Variants in SPRY3 observed in about 807,000 individuals in gnomAD.
SPRY3 encodes sprouty RTK signaling antagonist 3.
Under a neutral mutation model 20.2 loss-of-function variants are expected in SPRY3, and 15 were observed. That is an observed-to-expected ratio of 0.74 (90% confidence interval 0.50 to 1.14). The LOEUF is 1.14. SPRY3 is among the 50% of genes most tolerant of loss of function. The pLI is 0.00. For synonymous variants in SPRY3, 143 were observed against 136.5 expected, an observed-to-expected ratio of 1.05 and a Z score of -0.33; for missense variants, 364 against 363.9, an observed-to-expected ratio of 1.00 and a Z score of 0.00.
chrX:155,742,450 G>A (rs1433526266), intron 2 of SPRY3, among the ~76,000 whole-genome samples: 1 of 152,058 alleles, frequency 6.6e-6, no homozygotes, highest in Non-Finnish European at 1.5e-5. Flanking sequence ...GGAAAATTAA[G>A]AAAGATATAC....
intron 2 of SPRY3, among the ~76,000 whole-genome samples, chrX:155,711,385 G>A (rs2090985022): frequency 6.6e-6 from 1 of 151,670 alleles, no homozygotes; most frequent in Admixed American, 6.6e-5. Context: ...ATCTTGGTAG[G>A]TTGTATATAT....
At chrX:155,766,623 A>C (rs2091331963) in intron 2 of SPRY3, among the ~76,000 whole-genome samples, 1 of 152,188 alleles carries the variant, frequency 6.6e-6, no homozygotes, top group Non-Finnish European at 1.5e-5. Flanking sequence ...GCTGTCATCC[A>C]AGTTCTTCTG....
At chrX:155,704,470 T>A (rs2124534768) in intron 2 of SPRY3, among the ~76,000 whole-genome samples, 1 of 151,736 alleles carries the variant, frequency 6.6e-6, no homozygotes, top group East Asian at 1.9e-4. Context: ...GACCAATAAA[T>A]TGATTACATT....
chrX:155,672,127 C>T (rs369236425), intron 2 of SPRY3, among the ~76,000 whole-genome samples: 7 of 111,424 alleles, frequency 6.3e-5, no homozygotes, highest in Admixed American at 2.9e-4. Flanking sequence ...CTTGGCAATG[C>T]GGGTTCTTTT....
chrX:155,692,194 C>A (rs888056455), intron 2 of SPRY3, among the ~76,000 whole-genome samples: 1 of 110,803 alleles, frequency 9.0e-6, no homozygotes, highest in African/African-American at 3.3e-5. Context: ...TTATATTTTA[C>A]ATTTAGCTCC....
rs182913753 is a variant in SPRY3 at position 155,729,480 on chromosome X, A to T, written c.-281-38482A>T. ...GAATGAACAGTGGGTCAATGAAGAA[A>T]TTAAGAAGAAAATTTAAAAATTTCT... On this transcript the variant is annotated intron_variant, in intron 2 of 3. Transcript: ENST00000675360. 3.0e-3 allele frequency among the ~76,000 whole-genome samples: 452 copies of T among 152,258 alleles called. 2 individuals are homozygous for T. Among genetic ancestry groups the T allele is most frequent in the African/African-American group, 9.9e-3 (413 of 41,578 alleles).
intron 2 of SPRY3, among the ~76,000 whole-genome samples, chrX:155,745,641 G>A (rs1218767937): frequency 1.3e-5 from 2 of 151,958 alleles, no homozygotes; most frequent in Non-Finnish European, 2.9e-5. Context: ...ATGTGACCTG[G>A]AGCAATTTCT....
intron 2 of SPRY3, among the ~76,000 whole-genome samples, chrX:155,733,633 A>G (rs182514742): frequency 2.3e-4 from 35 of 152,144 alleles, no homozygotes; most frequent in Middle Eastern, 3.4e-3. Flanking sequence ...ATTAGCCCTT[A>G]ACAAGAGAGT....
At chrX:155,638,924 T>C (rs1557351249) in intron 1 of SPRY3, among the ~76,000 whole-genome samples, 1 of 111,063 alleles carries the variant, frequency 9.0e-6, no homozygotes, top group African/African-American at 3.3e-5. Context: ...TTTCTCTGGG[T>C]CTCTCCTTGA....
chrX:155,714,414 C>T (rs2091007186), intron 2 of SPRY3, among the ~76,000 whole-genome samples: 2 of 152,136 alleles, frequency 1.3e-5, no homozygotes. Flanking sequence ...CTTTTGCAGA[C>T]TCATAGAGGT....
In SPRY3 at chrX:155,616,100, G is replaced by GTCTCTCTCCCTCTCTCTCTCTCTC. The variant is rs1557348835; in HGVS notation, c.-441+3461_-441+3462insCCTCTCTCTCTCTCTCTCTCTCTC. 1.3e-3 allele frequency among the ~76,000 whole-genome samples: 54 copies of GTCTCTCTCCCTCTCTCTCTCTCTC among 42,880 alleles called. 4 individuals carry two copies. Among genetic ancestry groups the GTCTCTCTCCCTCTCTCTCTCTCTC allele is most frequent in the South Asian group, 3.0e-3 (2 of 668 alleles). The allele number at this position is 42,880 out of a possible 115,157, so 37.2% of individuals were successfully genotyped here. A position where few individuals can be genotyped will look rare whatever the true frequency, so the allele number is the denominator to read the frequency against. On this transcript the variant is annotated intron_variant, in intron 1 of 3. Transcript: ENST00000675360. ...ATTTTTCCCTGCACATTTATCTGGG[G>GTCTCTCTCCCTCTCTCTCTCTCTC]TCTCTCTCTCTCTCTCTCTCTCTCT...
At chrX:155,756,971 G>A (rs1216843995) in intron 2 of SPRY3, among the ~76,000 whole-genome samples, 1 of 152,026 alleles carries the variant, frequency 6.6e-6, no homozygotes, top group Non-Finnish European at 1.5e-5. Context: ...AGACAGTTGC[G>A]ATAGCTCCCT....
intron 2 of SPRY3, among the ~76,000 whole-genome samples, chrX:155,673,662 G>A (rs184514630): frequency 8.9e-6 from 1 of 111,880 alleles, no homozygotes; most frequent in Non-Finnish European, 1.9e-5. Flanking sequence ...CCTTGCTTGG[G>A]CACCTCCTTG....
At chrX:155,779,419 G>A (rs1235521178), downstream of SPRY3, 2 of 166,950 alleles carry the variant, frequency 1.2e-5, no homozygotes, top group African/African-American at 4.8e-5. Flanking sequence ...TCTTAGAACT[G>A]TACTATGTTT....
intron 1 of SPRY3, among the ~76,000 whole-genome samples, chrX:155,646,679 T>C (rs1557351903): frequency 8.9e-6 from 1 of 112,051 alleles, no homozygotes; most frequent in Admixed American, 9.5e-5. Flanking sequence ...TTCTAACAGT[T>C]TTTTGTGATG....
intron 1 of SPRY3, among the ~76,000 whole-genome samples, chrX:155,646,855 CCTTGT>C (rs2067959409): frequency 9.0e-6 from 1 of 111,359 alleles, no homozygotes; most frequent in Non-Finnish European, 1.9e-5. Flanking sequence ...GAGTGATTAT[CCTTGT>C]CTTGTTTCTG....
chrX:155,641,260 G>A (rs1390869666), intron 1 of SPRY3, among the ~76,000 whole-genome samples: 2 of 111,993 alleles, frequency 1.8e-5, no homozygotes, highest in African/African-American at 6.5e-5. Flanking sequence ...GCATCCGTGT[G>A]ATAAATCCCA....
chrX:155,721,834 G>A (rs561117187), intron 2 of SPRY3, among the ~76,000 whole-genome samples: 1 of 152,216 alleles, frequency 6.6e-6, no homozygotes, highest in South Asian at 2.1e-4. Flanking sequence ...ATAAAGAGAA[G>A]GATGTTAACG....
chrX:155,781,842 A>T (rs2091464879), exon 2 of SPRY3: 1 of 164,012 alleles, frequency 6.1e-6, no homozygotes, highest in Admixed American at 6.7e-5. Context: ...ATAGCATGTA[A>T]CAAGATTGAA....
Sources: allele counts gnomAD v4.1 joint callset (sites outside exome capture counted in the v4.1 genomes callset), GRCh38; gene constraint gnomAD v4.1.1; transcripts MANE v1.5; gene names NCBI Gene and HGNC (gene_info 2026-07-23, HGNC 2026-07-21).